Variants in INTS6L observed in about 807,000 individuals in gnomAD.
The protein encoded by INTS6L is integrator complex subunit 6 like.
INTS6L carries 18 observed loss-of-function variants against 64.7 expected under a neutral mutation model. The observed-to-expected ratio is 0.28, with a 90% confidence interval of 0.19 to 0.41. The LOEUF (loss-of-function observed/expected upper bound fraction) is 0.41, where lower values mean the gene tolerates loss of function less well. INTS6L is among the 10% of genes least tolerant of loss of function. The pLI, the probability that INTS6L is intolerant of heterozygous loss-of-function variation, is 1.00. For synonymous variants in INTS6L, 227 were observed against 235.9 expected, an observed-to-expected ratio of 0.96 and a Z score of 0.34; for missense variants, 533 against 661.0, an observed-to-expected ratio of 0.81 and a Z score of 2.12.
chrX:135,579,755 C>T, intron 15 of INTS6L, 33 bp from the exon 16 acceptor site: 1 of 1,154,428 alleles, frequency 8.7e-7, no homozygotes. Context: ...AATACCCTTA[C>T]CTCACAGCTC....
At chrX:135,562,395 T>C (rs2086814828) in intron 9 of INTS6L, among the ~76,000 whole-genome samples, 1 of 112,553 alleles carries the variant, frequency 8.9e-6, no homozygotes, top group Middle Eastern at 4.6e-3. Flanking sequence ...CTTATAAATA[T>C]GTTGCCATTT....
intron 9 of INTS6L, among the ~76,000 whole-genome samples, chrX:135,566,198 G>A (rs1425108524): frequency 8.9e-6 from 1 of 112,002 alleles, no homozygotes; most frequent in African/African-American, 3.2e-5. Context: ...TTCCTCATTA[G>A]TGAAATGGGG....
Position 135,552,078 on chromosome X carries a change from T to C in INTS6L, c.991T>C (p.Tyr331His). 1 of 1,209,996 alleles carries C rather than the reference T, an allele frequency of 8.3e-7. No individual in the cohort carries two copies. The highest frequency in any genetic ancestry group is 1.1e-6 in the Non-Finnish European group (1 of 894,959). Residue 331 changes from tyrosine to histidine, a missense_variant, in exon 8 of 18, where the codon TAT (tyrosine) becomes CAT (histidine). Physicochemically the swap from Tyr to His is moderately conservative, Grantham distance 83. Coordinates refer to ENST00000639893, the MANE Select transcript of INTS6L (RefSeq NM_001351601.3). ...MVIDKLPFDK[Y>H]ELEPSPLTQY... is the part of the protein sequence containing the mutation. ...AATAGACAAACTTCCTTTTGACAAATATGAACTTGAACCTTCGCCCTTAAC... is the reference window on the plus strand; with the variant it reads ...AATAGACAAACTTCCTTTTGACAAACATGAACTTGAACCTTCGCCCTTAAC...
At chrX:135,573,081 C>T (rs2087133675) in intron 12 of INTS6L, 48 bp downstream of exon 12, 1 of 1,036,395 alleles carries the variant, frequency 9.6e-7, no homozygotes, top group Non-Finnish European at 1.3e-6. Flanking sequence ...TTGTCTGATA[C>T]ATTTATGTCT....
At chrX:135,533,836 T>G (rs1249973659) in intron 2 of INTS6L, among the ~76,000 whole-genome samples, 1 of 112,329 alleles carries the variant, frequency 8.9e-6, no homozygotes, top group Admixed American at 9.4e-5. Flanking sequence ...TAACTGAATG[T>G]GTGATATGCA....
In INTS6L at chrX:135,521,015, T is replaced by C. The variant is rs1278096178; in HGVS notation, c.23T>C (p.Ile8Thr). Residue 8 changes from isoleucine (I) to threonine (T), a missense_variant, in exon 1 of 18, where the codon ATA (isoleucine) becomes ACA (threonine). Transcript: ENST00000639893. ...AAGATGCCCATCCTGCTGTTCCTCA[T>C]AGACACGTCCGCCTCTATGAACCAG... MPILLFLIDTSASMNQRT... is the reference protein window; with the variant it reads MPILLFLTDTSASMNQRT... 1 of 1,209,528 alleles carries C rather than the reference T, an allele frequency of 8.3e-7. No homozygotes were observed. Among genetic ancestry groups the C allele is most frequent in the African/African-American group, 1.8e-5 (1 of 57,067 alleles).
chrX:135,570,745 T>TGACA, intron 11 of INTS6L, 199 bp downstream of exon 11: 1 of 443,964 alleles, frequency 2.3e-6, no homozygotes, highest in Non-Finnish European at 3.5e-6. Flanking sequence ...CATTTGATGC[T>TGACA]GTGCCATTTC....
intron 9 of INTS6L, among the ~76,000 whole-genome samples, chrX:135,565,704 C>T (rs1361357246): frequency 3.6e-5 from 4 of 111,766 alleles, no homozygotes; most frequent in Non-Finnish European, 5.6e-5. Flanking sequence ...CCAAGCTGAA[C>T]TCTTACCTTA....
chrX:135,549,662 A>C lies in INTS6L; in HGVS notation c.763A>C (p.Arg255=). ...TTTAGATGGACTTATGGATTCATCC[A>C]GGCCAAGCAATTCATTTGCTGCTCA... The part of the protein sequence containing the change: ...IGEDGLMDSS[R]PSNSFAAQPW... The change falls in exon 7 of 18, where the codon AGG becomes CGG. Residue 255 remains arginine, a synonymous_variant. Coordinates refer to ENST00000639893, the MANE Select transcript of INTS6L (RefSeq NM_001351601.3). The C allele has an allele frequency of 8.3e-7, 1 of 1,211,760 alleles. No individual in the cohort carries two copies. Among genetic ancestry groups the C allele is most frequent in the Non-Finnish European group, 1.1e-6 (1 of 895,369 alleles).
chrX:135,579,736 G>A, intron 15 of INTS6L, 52 bp from the exon 16 acceptor site: 1 of 1,129,448 alleles, frequency 8.9e-7, no homozygotes, highest in South Asian at 2.3e-5. Context: ...ATACCTGTGG[G>A]GTTGACATAA....
intron 9 of INTS6L, among the ~76,000 whole-genome samples, chrX:135,567,121 G>C (rs181019054): frequency 8.9e-6 from 1 of 111,822 alleles, no homozygotes; most frequent in African/African-American, 3.2e-5. Flanking sequence ...TGAAATGGAG[G>C]CTTACAAAAG....
chrX:135,581,032 T>A lies in INTS6L; in HGVS notation c.2495-18T>A. The A allele has an allele frequency of 9.2e-7, 1 of 1,087,896 alleles. No homozygotes were observed. The highest frequency in any genetic ancestry group is 1.2e-6 in the Non-Finnish European group (1 of 821,069). The allele number at this position is 1,087,896 out of a possible 1,213,427, so 89.7% of individuals were successfully genotyped here. A position where few individuals can be genotyped will look rare whatever the true frequency, so the allele number is the denominator to read the frequency against. ...TTCATCTTTATAAAAATACTGAAGT[T>A]TTTTTAAATATCTTCAGAATATGAA... On this transcript the variant is annotated intron_variant, in intron 16 of 17. Coordinates refer to ENST00000639893, the MANE Select transcript of INTS6L (RefSeq NM_001351601.3).
chrX:135,549,943 C>A, intron 7 of INTS6L, 138 bp downstream of exon 7: 1 of 639,219 alleles, frequency 1.6e-6, no homozygotes, highest in South Asian at 3.0e-5. Flanking sequence ...CCTTCTATCT[C>A]TTACTGGAAG....
chrX:135,573,059 A>T (rs989756481), intron 12 of INTS6L, 26 bp downstream of exon 12: 1 of 1,118,092 alleles, frequency 8.9e-7, no homozygotes, highest in South Asian at 1.9e-5. Flanking sequence ...AATAGTTTGT[A>T]TTTGTTTGAA....
chrX:135,570,846 T>G, intron 11 of INTS6L: 1 of 221,314 alleles, frequency 4.5e-6, no homozygotes, highest in Non-Finnish European at 8.3e-6. Flanking sequence ...ATTTTGTCTA[T>G]CTTCAACCTA....
rs141913019 is a variant in INTS6L at position 135,569,265 on chromosome X, A to C, written c.1193-72A>C. Reference sequence around the variant, plus strand: ...ATCTACATTAAAAGCTGAAGTTTCTAGATGTGGGTTGCTTGATTATATCTT... The same window carrying C: ...ATCTACATTAAAAGCTGAAGTTTCTCGATGTGGGTTGCTTGATTATATCTT... On this transcript the variant is annotated intron_variant, in intron 9 of 17. Transcript: ENST00000639893. 9.4e-3 allele frequency: 5,754 copies of C among 613,870 alleles called. 78 individuals are homozygous for C. The highest frequency in any genetic ancestry group is 0.07 in the Admixed American group (1,658 of 23,543). The allele number at this position is 613,870 out of a possible 1,213,427, so 50.6% of individuals were successfully genotyped here. A position where few individuals can be genotyped will look rare whatever the true frequency, so the allele number is the denominator to read the frequency against.
At position 135,553,481 on chromosome X, in the gene INTS6L, A is replaced by AT. The variant is rs1162273649; in HGVS notation, c.1059+1358dup. 4.1e-3 allele frequency among the ~76,000 whole-genome samples: 332 copies of AT among 80,771 alleles called. 1 individual carries two copies. The highest frequency in any genetic ancestry group is 8.2e-3 in the African/African-American group (192 of 23,557). 70.1% of individuals were successfully genotyped at this position (80,771 alleles called of 115,157 possible). ...CCACAATTCCTGGCTAATTTTTTAA[A>AT]TTTTTTTTTTTTTTTTTTTTTTTAG... On this transcript the variant is annotated intron_variant, in intron 8 of 17. Coordinates refer to ENST00000639893, the MANE Select transcript of INTS6L (RefSeq NM_001351601.3).
intron 9 of INTS6L, among the ~76,000 whole-genome samples, chrX:135,557,218 G>A (rs1556519718): frequency 9.0e-6 from 1 of 111,354 alleles, no homozygotes; most frequent in African/African-American, 3.3e-5. Context: ...ATATCTTTCA[G>A]ATTAATAAGA....
rs1360847722 is a variant in INTS6L at position 135,579,807 on chromosome X, T to C, written c.2139T>C (p.Asp713=). 8.4e-7 allele frequency: 1 copy of C among 1,186,843 alleles called. No homozygotes were observed. Among genetic ancestry groups the C allele is most frequent in the East Asian group, 3.0e-5 (1 of 33,452 alleles). Residue 713 remains aspartate, a synonymous_variant, in exon 16 of 18, where the codon GAT becomes GAC. Transcript: ENST00000639893. ...TTCCAGATGCTACTATCATTCACGA[T>C]GGCCATGAGGAGAAGATGGAAAATG... is the stretch of plus-strand genomic sequence containing the variant. ...LVHTDATIIH[D]GHEEKMENGQ...
Sources: gnomAD v4.1 joint callset for allele counts (sites outside exome capture counted in the v4.1 genomes callset) on GRCh38, gnomAD v4.1.1 for gene constraint, MANE v1.5 for transcripts, NCBI Gene and HGNC (gene_info 2026-07-23, HGNC 2026-07-21) for gene names.